SCHIP1: variants seen among roughly 807,000 people sequenced by gnomAD.
SCHIP1 encodes schwannomin interacting protein 1, also known as schwannomin-interacting protein 1.
SCHIP1 carries 8 observed loss-of-function variants against 29.7 expected under a neutral mutation model. The observed-to-expected ratio is 0.27, with a 90% CI of 0.16 to 0.49. SCHIP1 has a LOEUF of 0.49. SCHIP1 is among the 20% of genes least tolerant of loss of function. The pLI is 0.99. For missense variants in SCHIP1, 193 were observed against 294.6 expected (o/e 0.66, Z 2.52); for synonymous variants, 76 against 94.9 (o/e 0.80, Z 1.16).
chr3:159,604,077 T>C, the SCHIP1 span, among the ~76,000 whole-genome samples: 33 of 152,310 alleles, frequency 2.2e-4, no homozygotes, highest in Admixed American at 2.2e-3. Flanking sequence ...CATGAACTTT[T>C]GGGGGACACA....
At chr3:159,770,599 A>C in the SCHIP1 span, among the ~76,000 whole-genome samples, 1 of 152,212 alleles carries the variant, frequency 6.6e-6, no homozygotes, top group African/African-American at 2.4e-5. Flanking sequence ...ATAACTAGAA[A>C]TAAGAACGGC....
At chr3:159,784,970 A>G in the SCHIP1 span, among the ~76,000 whole-genome samples, 1 of 152,190 alleles carries the variant, frequency 6.6e-6, no homozygotes, top group Non-Finnish European at 1.5e-5. Flanking sequence ...ATGGTTTTAA[A>G]TCACGGTGCT....
intron 2 of SCHIP1, among the ~76,000 whole-genome samples, chr3:159,879,251 T>G (rs1716192363): frequency 6.6e-6 from 1 of 152,082 alleles, no homozygotes; most frequent in South Asian, 2.1e-4. Flanking sequence ...TTTGGTTTTG[T>G]TTTTGTTTTG....
At chr3:159,815,937 CTATTTATT>C in the SCHIP1 span, among the ~76,000 whole-genome samples, 177 of 147,558 alleles carry the variant, frequency 1.2e-3, no homozygotes, top group African/African-American at 4.4e-3. Flanking sequence ...GCCTCTGGTC[CTATTTATT>C]TATTTATTTA....
the SCHIP1 span, among the ~76,000 whole-genome samples, chr3:159,603,572 A>G: frequency 6.6e-6 from 1 of 152,162 alleles, no homozygotes; most frequent in South Asian, 2.1e-4. Context: ...TAAGGATTTT[A>G]GAGTGCTATG....
the SCHIP1 span, among the ~76,000 whole-genome samples, chr3:159,609,766 T>C: frequency 1.3e-5 from 2 of 152,090 alleles, no homozygotes; most frequent in Non-Finnish European, 2.9e-5. Flanking sequence ...GAGATAAACA[T>C]CTGTCCTATT....
At chr3:159,326,968 T>C in the SCHIP1 span, among the ~76,000 whole-genome samples, 1 of 152,056 alleles carries the variant, frequency 6.6e-6, no homozygotes, top group African/African-American at 2.4e-5. Flanking sequence ...AATAAGAAAC[T>C]TTTAAAAACT....
chr3:159,853,463 G>C (rs764446297), intron 1 of SCHIP1: 15 of 694,376 alleles, frequency 2.2e-5, no homozygotes, highest in South Asian at 7.6e-5. Context: ...AAAAGGTAAG[G>C]GGGGAGAGCT....
the SCHIP1 span, among the ~76,000 whole-genome samples, chr3:159,366,334 C>T: frequency 6.6e-6 from 1 of 152,062 alleles, no homozygotes; most frequent in African/African-American, 2.4e-5. Flanking sequence ...CAGGTGCCAC[C>T]ATCAATATTG....
the SCHIP1 span, among the ~76,000 whole-genome samples, chr3:159,554,013 TG>T: frequency 1.7e-5 from 2 of 118,804 alleles, no homozygotes; most frequent in East Asian, 2.6e-4. Context: ...TGTGTGTGTG[TG>T]TGTGTTTGTG....
At chr3:159,506,501 T>C in the SCHIP1 span, among the ~76,000 whole-genome samples, 1 of 152,240 alleles carries the variant, frequency 6.6e-6, no homozygotes, top group South Asian at 2.1e-4. Context: ...TTGGCTTTTG[T>C]TGCCATTGCT....
the SCHIP1 span, among the ~76,000 whole-genome samples, chr3:159,337,256 A>C: frequency 6.6e-6 from 1 of 152,126 alleles, no homozygotes; most frequent in Non-Finnish European, 1.5e-5. Context: ...AATGGGCAAA[A>C]ACTGGAAGCA....
At chr3:159,369,978 G>A in the SCHIP1 span, among the ~76,000 whole-genome samples, 1 of 152,112 alleles carries the variant, frequency 6.6e-6, no homozygotes, top group Non-Finnish European at 1.5e-5. Context: ...TTTGACTTAG[G>A]CCAGGGAGCA....
the SCHIP1 span, among the ~76,000 whole-genome samples, chr3:159,740,456 T>G: frequency 6.6e-6 from 1 of 152,102 alleles, no homozygotes; most frequent in African/African-American, 2.4e-5. Flanking sequence ...CCAACTAAGC[T>G]GAGGAAAGCA....
the SCHIP1 span, among the ~76,000 whole-genome samples, chr3:159,424,915 G>A: frequency 6.6e-6 from 1 of 152,088 alleles, no homozygotes; most frequent in Non-Finnish European, 1.5e-5. Flanking sequence ...GGATTTTCAA[G>A]CCAGAATTTC....
intron 4 of SCHIP1, chr3:159,888,224 A>T: frequency 2.8e-6 from 1 of 357,762 alleles, no homozygotes; most frequent in South Asian, 3.3e-5. Context: ...GGTCTTGGCA[A>T]ACTTACTATT....
chr3:159,831,728 A>G, the SCHIP1 span, among the ~76,000 whole-genome samples: 2 of 152,146 alleles, frequency 1.3e-5, no homozygotes, highest in South Asian at 2.1e-4. Flanking sequence ...CTGGACAAAG[A>G]GAGGATTCAC....
chr3:159,663,840 C>CCAG, the SCHIP1 span, among the ~76,000 whole-genome samples: 5 of 152,080 alleles, frequency 3.3e-5, no homozygotes, highest in Non-Finnish European at 5.9e-5. Flanking sequence ...TTGCATTTAT[C>CCAG]CAGCAGTTCC....
chr3:159,626,086 TTATATAGATAGA>T, the SCHIP1 span, among the ~76,000 whole-genome samples: 3 of 103,604 alleles, frequency 2.9e-5, no homozygotes, highest in Non-Finnish European at 3.5e-5. Flanking sequence ...AGAGTGCAGC[TTATATAGATAGA>T]TAGATAGATA....
Sources: allele counts gnomAD v4.1 joint callset (sites outside exome capture counted in the v4.1 genomes callset), GRCh38; gene constraint gnomAD v4.1.1; transcripts MANE v1.5; gene names NCBI Gene and HGNC (gene_info 2026-07-23, HGNC 2026-07-21).